The following RPS6KA2 variants were observed in gnomAD, a reference collection of about 807,000 sequenced individuals.
RPS6KA2 encodes the protein ribosomal protein S6 kinase A2.
RPS6KA2 carries 42 observed loss-of-function variants against 91.8 expected under a neutral mutation model. The ratio of observed to expected loss-of-function variants is 0.46; its 90% confidence interval spans 0.36 to 0.59. The LOEUF (loss-of-function observed/expected upper bound fraction) is 0.59. RPS6KA2 is among the 20% of genes least tolerant of loss of function. The probability of loss-of-function intolerance (pLI) is 0.00; values close to 1 mark genes in which losing one functional copy is unlikely to be tolerated. For synonymous variants in RPS6KA2, 414 were observed against 393.6 expected, an observed-to-expected ratio of 1.05 and a Z score of -0.61; for missense variants, 798 against 978.5, an observed-to-expected ratio of 0.82 and a Z score of 2.46.
At chr6:166,792,664 G>C (rs571082530) in intron 2 of RPS6KA2, among the ~76,000 whole-genome samples, 17 of 152,296 alleles carry the variant, frequency 1.1e-4, no homozygotes, top group Admixed American at 6.5e-4. Flanking sequence ...TCATGATCAA[G>C]TTGGCTTCAT....
chr6:166,573,473 G>T lies in RPS6KA2; in HGVS notation c.100-34689C>A, dbSNP rs571513414. Among the ~76,000 whole-genome samples, 45 of 152,386 alleles carry T rather than the reference G, an allele frequency of 3.0e-4. 2 individuals are homozygous for T. The South Asian group carries it at 8.9e-3, about 30-fold the overall frequency. ...TGCAGGAAGACGTACTGCTGTCTATGTAAAGTACAGATCAACAGCAAACCC... is the reference window on the plus strand; with the variant it reads ...TGCAGGAAGACGTACTGCTGTCTATTTAAAGTACAGATCAACAGCAAACCC... On this transcript the variant is annotated intron_variant, in intron 1 of 20. Coordinates refer to ENST00000265678, the MANE Select transcript of RPS6KA2 (RefSeq NM_021135.6).
intron 2 of RPS6KA2, among the ~76,000 whole-genome samples, chr6:166,637,588 G>A (rs1275814416): frequency 6.6e-6 from 1 of 152,212 alleles, no homozygotes; most frequent in Non-Finnish European, 1.5e-5. Flanking sequence ...CCTGAAGACC[G>A]GAAATACTAA....
Position 166,459,930 on chromosome 6 carries a change from C to G in RPS6KA2, c.973-379G>C, listed in dbSNP as rs184426842. Among the ~76,000 whole-genome samples, 1 of 152,192 alleles carries G rather than the reference C, an allele frequency of 6.6e-6. No individual in the cohort carries two copies. The highest frequency in any genetic ancestry group is 1.5e-5 in the Non-Finnish European group (1 of 68,026). ...ATACAGGACAGCCACCACTTGCCCC[C>G]ACTGGGGACAGCAGTGAAGAGGCCG... On this transcript the variant is annotated intron_variant, in intron 11 of 20. Coordinates refer to ENST00000265678, the MANE Select transcript of RPS6KA2 (RefSeq NM_021135.6). This position sits in a 1 kb window ranked among gnomAD's most constrained non-coding sequence, Gnocchi z 4.9.
At chr6:166,534,183 C>T (rs1191428339) in intron 2 of RPS6KA2, among the ~76,000 whole-genome samples, 2 of 132,420 alleles carry the variant, frequency 1.5e-5, no homozygotes, top group African/African-American at 5.7e-5. Context: ...GATTCAGCCA[C>T]TGCAGTCCGG....
intron 2 of RPS6KA2, among the ~76,000 whole-genome samples, chr6:166,734,713 A>G (rs992377615): frequency 3.3e-5 from 5 of 152,264 alleles, no homozygotes; most frequent in African/African-American, 1.2e-4. Context: ...CATGAGAGGG[A>G]GCGTGTGTGG....
Position 166,654,528 on chromosome 6 carries a change from A to C in RPS6KA2, c.124-115744T>G, listed in dbSNP as rs112585498. Among the ~76,000 whole-genome samples, 1,410 of 152,336 alleles carry C rather than the reference A, an allele frequency of 9.3e-3. 19 individuals carry two copies. The highest frequency in any genetic ancestry group is 0.032 in the African/African-American group (1,321 of 41,562). ...TATAATTTACTCGCCTGAGAGATTC[A>C]GTACACAATGTCCCCAGTTTCCCCC... On this transcript the variant is annotated intron_variant, in intron 2 of 21. Transcript: ENST00000503859.
chr6:166,580,052 C>A (rs1250729915), intron 1 of RPS6KA2, among the ~76,000 whole-genome samples: 1 of 152,234 alleles, frequency 6.6e-6, no homozygotes, highest in Non-Finnish European at 1.5e-5. Context: ...ATGACTCAGC[C>A]CGGAGGTTCT....
chr6:166,862,375 C>G, exon 1 of RPS6KA2: 1 of 1,406,696 alleles, frequency 7.1e-7, no homozygotes, highest in East Asian at 2.7e-5. Context: ...AGGAGGGACC[C>G]GGGGGGCTGC....
chr6:166,861,592 AC>A (rs1478709613), intron 1 of RPS6KA2, among the ~76,000 whole-genome samples: 1 of 151,980 alleles, frequency 6.6e-6, no homozygotes, highest in African/African-American at 2.4e-5. Context: ...CTTTAATCAC[AC>A]CTCTTTATCT....
At chr6:166,564,766 T>C (rs1047623136) in intron 1 of RPS6KA2, among the ~76,000 whole-genome samples, 121 of 152,238 alleles carry the variant, frequency 7.9e-4, no homozygotes, top group African/African-American at 2.7e-3. Context: ...TCCTTGCTCA[T>C]CCTCCCGAGC....
chr6:166,734,400 A>G (rs1790614743), intron 2 of RPS6KA2, among the ~76,000 whole-genome samples: 3 of 152,166 alleles, frequency 2.0e-5, no homozygotes, highest in African/African-American at 7.2e-5. Context: ...CGGAAGAGCA[A>G]TAGGTCCTCT....
chr6:166,741,728 G>T (rs191840636), intron 2 of RPS6KA2, among the ~76,000 whole-genome samples: 3 of 152,294 alleles, frequency 2.0e-5, no homozygotes, highest in Admixed American at 2.0e-4. Flanking sequence ...TGAGGTTAAC[G>T]GAAGGGACAG....
At chr6:166,472,909 C>T (rs935911130) in intron 10 of RPS6KA2, among the ~76,000 whole-genome samples, 1 of 152,152 alleles carries the variant, frequency 6.6e-6, no homozygotes. Flanking sequence ...GGAATTCCCT[C>T]CTGTCAGGCT....
chr6:166,816,319 G>A (rs1779760600), intron 2 of RPS6KA2, among the ~76,000 whole-genome samples: 1 of 150,198 alleles, frequency 6.7e-6, no homozygotes, highest in South Asian at 2.1e-4. Flanking sequence ...GCCAAGGAGG[G>A]TGGATCACCT....
chr6:166,605,728 C>T (rs1385853918), intron 1 of RPS6KA2, among the ~76,000 whole-genome samples: 3 of 152,238 alleles, frequency 2.0e-5, no homozygotes, highest in African/African-American at 4.8e-5. Flanking sequence ...TCCCTCCACA[C>T]ATTCAACTGA....
At chr6:166,593,922 T>C (rs1012463844) in intron 1 of RPS6KA2, among the ~76,000 whole-genome samples, 1 of 152,194 alleles carries the variant, frequency 6.6e-6, no homozygotes, top group African/African-American at 2.4e-5. Flanking sequence ...GGTAACACTA[T>C]CACAAATGTA....
Position 166,648,044 on chromosome 6 carries a change from A to G in RPS6KA2, c.124-109260T>C, listed in dbSNP as rs1474988891. Among the ~76,000 whole-genome samples the G allele has an allele frequency of 2.0e-5, 3 of 151,628 alleles. No individual in the cohort carries two copies. The highest frequency in any genetic ancestry group is 4.4e-5 in the Non-Finnish European group (3 of 67,936). On this transcript the variant is annotated intron_variant, in intron 2 of 21. Coordinates refer to the RPS6KA2 transcript ENST00000503859. This position sits in a 1 kb window ranked among gnomAD's most constrained non-coding sequence, Gnocchi z 4.8. The stretch of plus-strand genomic sequence containing the variant: ...CACATACATACACACATGCTCTCAC[A>G]CACATGCACATGCTCACACACATGC...
At chr6:166,702,371 T>C (rs1207288515) in intron 2 of RPS6KA2, 11 of 1,609,548 alleles carry the variant, frequency 6.8e-6, no homozygotes, top group Admixed American at 1.7e-5. Context: ...ATCAGGGATA[T>C]AGGCTACTTT....
intron 2 of RPS6KA2, among the ~76,000 whole-genome samples, chr6:166,657,177 T>A (rs1167022626): frequency 6.6e-6 from 1 of 152,108 alleles, no homozygotes; most frequent in African/African-American, 2.4e-5. Context: ...CATCATGGGC[T>A]AGGAAACCCA....
Sources: gnomAD v4.1 joint callset for allele counts (sites outside exome capture counted in the v4.1 genomes callset) on GRCh38, gnomAD v4.1.1 for gene constraint, Gnocchi (gnomAD v3.1) non-coding constraint, MANE v1.5 for transcripts, NCBI Gene and HGNC (gene_info 2026-07-23, HGNC 2026-07-21) for gene names.